Variants in EDA observed in about 807,000 individuals in gnomAD.
The protein encoded by EDA is ectodysplasin A.
In EDA, 2 loss-of-function variants were observed where a neutral mutation model predicts 23.6. That is an observed-to-expected ratio of 0.08 (90% confidence interval 0.03 to 0.27). EDA has a LOEUF of 0.27. Ranked by LOEUF, EDA falls within the 10% of genes least tolerant of loss-of-function variation. The probability of loss-of-function intolerance (pLI) is 1.00; values close to 1 mark genes in which losing one functional copy is unlikely to be tolerated. For synonymous variants in EDA, 131 were observed against 132.0 expected, an observed-to-expected ratio of 0.99 and a Z score of 0.05; for missense variants, 229 against 324.2, an observed-to-expected ratio of 0.71 and a Z score of 2.26.
chrX:69,621,301 A>C (rs1932169425), intron 1 of EDA, among the ~76,000 whole-genome samples: 1 of 112,106 alleles, frequency 8.9e-6, no homozygotes, highest in Non-Finnish European at 1.9e-5. Context: ...CTCCTCTGTA[A>C]ATACTCAGGA....
chrX:69,785,890 C>T (rs1385266164), intron 1 of EDA, among the ~76,000 whole-genome samples: 1 of 109,696 alleles, frequency 9.1e-6, no homozygotes, highest in East Asian at 2.8e-4. Context: ...CCTTGTACCT[C>T]TGGTAGAATT....
intron 1 of EDA, among the ~76,000 whole-genome samples, chrX:69,799,547 A>C (rs1337116839): frequency 1.8e-5 from 2 of 111,019 alleles, no homozygotes; most frequent in African/African-American, 6.5e-5. Flanking sequence ...TGGGCAAAAG[A>C]TCTGAATAGA....
intron 1 of EDA, among the ~76,000 whole-genome samples, chrX:69,690,477 G>C (rs903460873): frequency 8.1e-5 from 9 of 111,085 alleles, no homozygotes; most frequent in African/African-American, 2.6e-4. Context: ...TTGCATTCCT[G>C]GGATAAATTT....
intron 1 of EDA, among the ~76,000 whole-genome samples, chrX:69,831,402 G>A (rs187742083): frequency 0.01 from 1,133 of 112,266 alleles, 11 homozygotes; most frequent in African/African-American, 0.034. Context: ...ATTTTTTATG[G>A]CTGCATAGTA....
chrX:69,941,319 T>C (rs763202043), intron 1 of EDA, among the ~76,000 whole-genome samples: 1 of 111,742 alleles, frequency 8.9e-6, no homozygotes, highest in African/African-American at 3.2e-5. Flanking sequence ...CTGATGCTTC[T>C]TTGTTCATTT....
At chrX:69,647,807 T>C (rs1444859297) in intron 1 of EDA, among the ~76,000 whole-genome samples, 2 of 112,358 alleles carry the variant, frequency 1.8e-5, no homozygotes, top group Non-Finnish European at 3.7e-5. Flanking sequence ...GTTGATTCTT[T>C]CTTATCTTTG....
chrX:69,929,000 A>G (rs904020041), intron 1 of EDA, among the ~76,000 whole-genome samples: 12 of 111,846 alleles, frequency 1.1e-4, no homozygotes, highest in African/African-American at 3.9e-4. Flanking sequence ...AAATTTCTTC[A>G]TTCTATAAAA....
chrX:69,920,962 ATTTATTTATTT>A (rs2018422269), intron 1 of EDA, among the ~76,000 whole-genome samples: 1 of 109,092 alleles, frequency 9.2e-6, no homozygotes, highest in Non-Finnish European at 1.9e-5. Flanking sequence ...TTATTTATTT[ATTTATTTATTT>A]ATTTATTTAT....
chrX:70,019,244 G>A (rs1022172845), intron 2 of EDA, among the ~76,000 whole-genome samples: 1 of 112,319 alleles, frequency 8.9e-6, no homozygotes, highest in Admixed American at 9.4e-5. Flanking sequence ...TACTTCTGGT[G>A]GGAGTGTAAA....
intron 2 of EDA, among the ~76,000 whole-genome samples, chrX:69,967,766 C>G (rs1023687269): frequency 2.7e-5 from 3 of 112,090 alleles, no homozygotes; most frequent in East Asian, 5.6e-4. Context: ...GTATTGGCCT[C>G]ATTCTTCATG....
At chrX:69,989,936 C>CTTTTTTT (rs760347264) in intron 2 of EDA, among the ~76,000 whole-genome samples, 5 of 70,714 alleles carry the variant, frequency 7.1e-5, no homozygotes, top group African/African-American at 2.2e-4. Flanking sequence ...GTTAGGCTTT[C>CTTTTTTT]TTTTTTTTTT....
intron 1 of EDA, among the ~76,000 whole-genome samples, chrX:69,719,802 T>A (rs1213339843): frequency 9.3e-6 from 1 of 107,909 alleles, no homozygotes; most frequent in African/African-American, 3.4e-5. Context: ...CAGCCTGGAG[T>A]GCAATGGCAT....
At chrX:69,801,160 GTATT>G (rs1182210567) in intron 1 of EDA, among the ~76,000 whole-genome samples, 3 of 111,424 alleles carry the variant, frequency 2.7e-5, no homozygotes, top group Non-Finnish European at 5.7e-5. Context: ...ATAGGAAAAT[GTATT>G]TATGAGTTTG....
At chrX:69,890,300 C>T (rs183867399) in intron 1 of EDA, among the ~76,000 whole-genome samples, 5 of 110,603 alleles carry the variant, frequency 4.5e-5, no homozygotes, top group African/African-American at 1.6e-4. Flanking sequence ...GGCCATACTG[C>T]CCAGAGCAAT....
chrX:70,010,624 C>T (rs1243206705), intron 2 of EDA, among the ~76,000 whole-genome samples: 1 of 111,731 alleles, frequency 9.0e-6, no homozygotes, highest in Non-Finnish European at 1.9e-5. Context: ...ATTGATATAG[C>T]TGGATTAATA....
chrX:69,730,039 T>C (rs1226572639), intron 1 of EDA, among the ~76,000 whole-genome samples: 5 of 111,745 alleles, frequency 4.5e-5, no homozygotes, highest in African/African-American at 1.6e-4. Context: ...TTTTTAAAAT[T>C]TTTTTGTGGA....
intron 1 of EDA, chrX:69,861,030 C>A: frequency 2.0e-6 from 1 of 489,914 alleles, no homozygotes; most frequent in Non-Finnish European, 3.7e-6. Context: ...CCACTGAAAC[C>A]ACTAAGTGAA....
intron 1 of EDA, chrX:69,937,483 G>C: frequency 1.2e-6 from 1 of 803,665 alleles, no homozygotes. Context: ...AAGAAGTCAA[G>C]TTCTTCTTCA....
intron 1 of EDA, among the ~76,000 whole-genome samples, chrX:69,888,955 G>A (rs1427858511): frequency 1.6e-5 from 1 of 63,061 alleles, no homozygotes; most frequent in Non-Finnish European, 2.8e-5. Context: ...GAAGTGAAGT[G>A]GAATTGTTGT....
Sources: allele counts gnomAD v4.1 joint callset (sites outside exome capture counted in the v4.1 genomes callset), GRCh38; gene constraint gnomAD v4.1.1; transcripts MANE v1.5; gene names NCBI Gene and HGNC (gene_info 2026-07-23, HGNC 2026-07-21).